CPLANE1: variants seen among roughly 807,000 people sequenced by gnomAD.
CPLANE1 encodes the protein ciliogenesis and planar polarity effector complex subunit 1.
In CPLANE1, 263 loss-of-function variants were observed where a neutral mutation model predicts 362.5. The ratio of observed to expected loss-of-function variants is 0.73; its 90% confidence interval spans 0.66 to 0.80. The LOEUF is 0.80. CPLANE1 is among the 30% of genes least tolerant of loss of function. The probability of loss-of-function intolerance (pLI) is 0.00; values close to 1 mark genes in which losing one functional copy is unlikely to be tolerated. For synonymous variants in CPLANE1, 1,212 were observed against 1,302.6 expected (o/e 0.93, Z 1.50); for missense variants, 3,461 against 3,793.4 (o/e 0.91, Z 2.30).
intron 43 of CPLANE1, among the ~76,000 whole-genome samples, chr5:37,143,222 A>C (rs1770350735): frequency 6.6e-6 from 1 of 152,236 alleles, no homozygotes; most frequent in Non-Finnish European, 1.5e-5. Context: ...ACAAACATAT[A>C]ATCTAGCAGA....
Position 37,177,611 on chromosome 5 carries a change from T to C in CPLANE1, c.5900+10A>G, listed in dbSNP as rs977034006. On this transcript the variant is annotated intron_variant, in intron 30 of 52. Coordinates refer to ENST00000651892, the MANE Select transcript of CPLANE1 (RefSeq NM_001384732.1). ...AGTGACAATCACTGTCATACTTTTTTCCCCCTTACCCTTTTTGTTCAGTCG... is the reference window on the plus strand; with the variant it reads ...AGTGACAATCACTGTCATACTTTTTCCCCCCTTACCCTTTTTGTTCAGTCG... The C allele has an allele frequency of 7.5e-6, 12 of 1,606,218 alleles. No individual in the cohort carries two copies. The highest frequency in any genetic ancestry group is 1.1e-5 in the South Asian group (1 of 90,534).
chr5:37,175,076 G>T (rs1235775318), intron 31 of CPLANE1, among the ~76,000 whole-genome samples: 2 of 152,200 alleles, frequency 1.3e-5, no homozygotes, highest in Non-Finnish European at 2.9e-5. Context: ...GTGATGGAAG[G>T]GGGAATGGGT....
At chr5:37,239,654 C>A in intron 7 of CPLANE1, 59 bp downstream of exon 7, 5 of 1,146,506 alleles carry the variant, frequency 4.4e-6, no homozygotes, top group South Asian at 3.2e-5. Flanking sequence ...AGAAAAATCT[C>A]AAAACTGGAA....
chr5:37,226,221 A>C (rs1561662609), intron 12 of CPLANE1, 83 bp downstream of exon 12: 1 of 876,812 alleles, frequency 1.1e-6, no homozygotes, highest in East Asian at 2.8e-5. Flanking sequence ...TGAATTTTAC[A>C]ATATGGGAAT....
rs1757740084 is a variant in CPLANE1, at chr5:37,106,971, T to A, written c.*631A>T. 6 of 985,328 alleles carry A rather than the reference T, an allele frequency of 6.1e-6. No individual in the cohort carries two copies. The highest frequency in any genetic ancestry group is 7.2e-6 in the Non-Finnish European group (6 of 829,940). The allele number at this position is 985,328 out of a possible 1,614,324, so 61.0% of individuals were successfully genotyped here. ...AGCCTTCTAGAGGCCGGAGTCATAT[T>A]CCCTTACTTTCCTGCCCAAAGCATC... On this transcript the variant is annotated 3_prime_UTR_variant, in exon 53 of 53. Transcript: ENST00000651892.
chr5:37,217,453 A>C (rs10941322), intron 15 of CPLANE1, among the ~76,000 whole-genome samples: 5,181 of 151,566 alleles, frequency 0.034, 131 homozygotes, highest in East Asian at 0.077. Context: ...TAAAAATACA[A>C]AAAATTAGCT....
At chr5:37,137,083 A>G (rs1767948447) in intron 46 of CPLANE1, among the ~76,000 whole-genome samples, 1 of 152,076 alleles carries the variant, frequency 6.6e-6, no homozygotes, top group South Asian at 2.1e-4. Flanking sequence ...TTTCTTTTAT[A>G]TTGCACTGTC....
In CPLANE1 at chr5:37,168,853, C is replaced by G; in HGVS notation, c.7171G>C (p.Ala2391Pro). Residue 2391 changes from alanine (A) to proline (P), a missense_variant, in exon 34 of 53, where the codon GCA becomes CCA. This residue lies in a region of CPLANE1 where 3,380 missense variants were observed against 3,666.1 expected (regional missense o/e 0.92). Transcript: ENST00000651892. ...TVPSTPIQPI[A>P]EERKYPRLSL... ...AATCTTGGGTATTTTCTTTCTTCTG[C>G]TATAGGTTGGATAGGTGTTGAGGGA... The G allele has an allele frequency of 6.2e-7, 1 of 1,613,892 alleles. No homozygotes were observed. Among genetic ancestry groups the G allele is most frequent in the South Asian group, 1.1e-5 (1 of 91,062 alleles).
chr5:37,090,365 C>G, the CPLANE1 span, among the ~76,000 whole-genome samples: 1 of 152,194 alleles, frequency 6.6e-6, no homozygotes, highest in Non-Finnish European at 1.5e-5. Flanking sequence ...TCCCTATAGT[C>G]AGTTACTTAC....
the CPLANE1 span, among the ~76,000 whole-genome samples, chr5:37,099,699 T>G: frequency 6.6e-6 from 1 of 152,298 alleles, no homozygotes; most frequent in African/African-American, 2.4e-5. Flanking sequence ...TACCTCTATC[T>G]CTTTGAGGAA....
chr5:37,212,407 T>C (rs190337291), intron 16 of CPLANE1: 5 of 774,600 alleles, frequency 6.5e-6, no homozygotes, highest in Non-Finnish European at 4.8e-6. Context: ...AGCTTCTAAC[T>C]TACATACCAT....
intron 47 of CPLANE1, among the ~76,000 whole-genome samples, chr5:37,124,224 G>A (rs948221646): frequency 2.6e-5 from 4 of 152,112 alleles, no homozygotes; most frequent in African/African-American, 9.7e-5. Flanking sequence ...TGAAAAAAAT[G>A]AAGGGATATT....
intron 49 of CPLANE1, among the ~76,000 whole-genome samples, chr5:37,120,859 A>C (rs898613817): frequency 6.6e-6 from 1 of 152,214 alleles, no homozygotes; most frequent in Non-Finnish European, 1.5e-5. Context: ...TCTACACTAC[A>C]CACACAGATG....
chr5:37,128,866 C>CAA (rs200378178), intron 46 of CPLANE1, among the ~76,000 whole-genome samples: 15 of 145,956 alleles, frequency 1.0e-4, no homozygotes, highest in African/African-American at 3.8e-4. Context: ...CAAAAAAAAA[C>CAA]AAAAAAAAAA....
chr5:37,204,494 C>A (rs974837143), intron 18 of CPLANE1, among the ~76,000 whole-genome samples: 4 of 151,742 alleles, frequency 2.6e-5, no homozygotes, highest in Admixed American at 6.6e-5. Flanking sequence ...TTTTTAATAC[C>A]ATTTTGAACT....
chr5:37,148,541 G>C (rs769295355), intron 42 of CPLANE1, among the ~76,000 whole-genome samples: 1 of 152,084 alleles, frequency 6.6e-6, no homozygotes, highest in Admixed American at 6.5e-5. Context: ...AGACAAATTC[G>C]TATTAAAGAT....
chr5:37,149,710 C>T (rs534438687), intron 42 of CPLANE1, among the ~76,000 whole-genome samples: 1 of 152,134 alleles, frequency 6.6e-6, no homozygotes, highest in East Asian at 1.9e-4. Flanking sequence ...TTTTCTGTCT[C>T]TCAAAATATC....
chr5:37,215,739 CTTTTTTTTTTTTT>C (rs567527656), intron 15 of CPLANE1, among the ~76,000 whole-genome samples: 17 of 95,200 alleles, frequency 1.8e-4, no homozygotes, highest in East Asian at 3.2e-4. Context: ...CTTCTCTTTC[CTTTTTTTTTTTTT>C]TTTTTTTTTT....
At chr5:37,077,903 G>A in the CPLANE1 span, among the ~76,000 whole-genome samples, 10 of 151,706 alleles carry the variant, frequency 6.6e-5, no homozygotes, top group African/African-American at 1.2e-4. Context: ...GGTGTAAACC[G>A]CCGTGCCCAG....
Sources: allele counts gnomAD v4.1 joint callset (sites outside exome capture counted in the v4.1 genomes callset), GRCh38; gene constraint gnomAD v4.1.1; regional missense constraint gnomAD v4.1.1; transcripts MANE v1.5; gene names NCBI Gene and HGNC (gene_info 2026-07-23, HGNC 2026-07-21).